Variants in HESX1 observed in about 807,000 individuals in gnomAD.
HESX1 encodes homeobox expressed in ES cells 1.
In HESX1, 11 loss-of-function variants were observed where a neutral mutation model predicts 22.5. The ratio of observed to expected loss-of-function variants is 0.49; its 90% CI spans 0.31 to 0.81. The LOEUF (loss-of-function observed/expected upper bound fraction) is 0.81, where lower values mean the gene tolerates loss of function less well. Ranked by LOEUF, HESX1 falls within the 30% of genes least tolerant of loss-of-function variation. The pLI, the probability that HESX1 is intolerant of heterozygous loss-of-function variation, is 0.05. For synonymous variants in HESX1, 74 were observed against 76.5 expected (o/e 0.97, Z 0.17); for missense variants, 201 against 212.6 (o/e 0.95, Z 0.34).
chr3:57,219,578 A>G (rs2060603182), intron 1 of HESX1, among the ~76,000 whole-genome samples: 1 of 152,104 alleles, frequency 6.6e-6, no homozygotes, highest in Non-Finnish European at 1.5e-5. Flanking sequence ...CGTGTCAGCC[A>G]GGATGGTCTC....
At chr3:57,222,665 A>G (rs1186534577) in intron 1 of HESX1, among the ~76,000 whole-genome samples, 7 of 151,978 alleles carry the variant, frequency 4.6e-5, no homozygotes, top group Non-Finnish European at 1.0e-4. Context: ...CCCACTCACC[A>G]CCCGCCAAAC....
upstream of HESX1, among the ~76,000 whole-genome samples, chr3:57,203,813 C>T (rs913889941): frequency 6.6e-6 from 1 of 152,122 alleles, no homozygotes; most frequent in Admixed American, 6.6e-5. Flanking sequence ...CCTCAGCCTC[C>T]CAAAGTGCTG....
chr3:57,201,877 A>C (rs963498746), upstream of HESX1, among the ~76,000 whole-genome samples: 82 of 69,318 alleles, frequency 1.2e-3, no homozygotes, highest in African/African-American at 3.9e-3. Flanking sequence ...ATCTATCTAT[A>C]TCTATCTATC....
At chr3:57,211,719 G>A in intron 1 of HESX1, among the ~76,000 whole-genome samples, 1 of 151,684 alleles carries the variant, frequency 6.6e-6, no homozygotes, top group Non-Finnish European at 1.5e-5. Flanking sequence ...TATAATCCTA[G>A]CTACTGGGGA....
At chr3:57,225,551 C>T (rs2060636913) in intron 1 of HESX1, among the ~76,000 whole-genome samples, 1 of 152,074 alleles carries the variant, frequency 6.6e-6, no homozygotes, top group Non-Finnish European at 1.5e-5. Flanking sequence ...ACCAGTTGGC[C>T]AGGATGGTCT....
intron 1 of HESX1, among the ~76,000 whole-genome samples, chr3:57,214,800 C>CTTG (rs1326372762): frequency 1.3e-5 from 2 of 152,004 alleles, no homozygotes; most frequent in African/African-American, 4.8e-5. Flanking sequence ...TGTGTGTGTG[C>CTTG]TTGTCTGTTG....
intron 1 of HESX1, among the ~76,000 whole-genome samples, chr3:57,216,458 A>C (rs2060583234): frequency 6.6e-6 from 1 of 152,046 alleles, no homozygotes; most frequent in Non-Finnish European, 1.5e-5. Context: ...AAAAGCCACA[A>C]AAAATTAGCC....
intron 1 of HESX1, among the ~76,000 whole-genome samples, chr3:57,212,051 G>A (rs547841049): frequency 7.2e-5 from 11 of 152,126 alleles, no homozygotes; most frequent in Non-Finnish European, 1.3e-4. Flanking sequence ...CATAGGAAAT[G>A]TTAAGTAAGT....
At chr3:57,225,199 G>A (rs2060635181) in intron 1 of HESX1, among the ~76,000 whole-genome samples, 1 of 152,178 alleles carries the variant, frequency 6.6e-6, no homozygotes, top group East Asian at 1.9e-4. Flanking sequence ...ATTTTTGGAT[G>A]AGCAGGGTAT....
chr3:57,219,690 G>C (rs1315378982), intron 1 of HESX1, among the ~76,000 whole-genome samples: 1 of 152,098 alleles, frequency 6.6e-6, no homozygotes, highest in African/African-American at 2.4e-5. Context: ...TTTTAATGGG[G>C]TTGCTTTTCC....
upstream of HESX1, among the ~76,000 whole-genome samples, chr3:57,202,933 T>C (rs1483524968): frequency 6.6e-6 from 1 of 152,092 alleles, no homozygotes; most frequent in Non-Finnish European, 1.5e-5. Context: ...GGTCTTGCAG[T>C]TGAAAATCAC....
chr3:57,199,045 C>G, intron 1 of HESX1, 93 bp from the exon 2 acceptor site: 1 of 1,185,218 alleles, frequency 8.4e-7, no homozygotes, highest in Non-Finnish European at 1.2e-6. Flanking sequence ...TCTTTCATTT[C>G]CTAGTGGAAT....
intron 1 of HESX1, among the ~76,000 whole-genome samples, chr3:57,223,422 G>A (rs974845745): frequency 9.2e-5 from 14 of 151,902 alleles, no homozygotes; most frequent in Non-Finnish European, 1.8e-4. Flanking sequence ...GAAAGTTGAA[G>A]CTGCAGAATT....
upstream of HESX1, among the ~76,000 whole-genome samples, chr3:57,203,337 G>C (rs1468037112): frequency 6.6e-6 from 1 of 152,170 alleles, no homozygotes; most frequent in African/African-American, 2.4e-5. Flanking sequence ...AGCGTGAGGA[G>C]AGAGGGTAGA....
In HESX1 at chr3:57,199,870, AG is replaced by A. The variant is rs1196149156; in HGVS notation, c.48del (p.Ser17GlnfsTer11). 4 of 1,613,896 alleles carry A rather than the reference AG, an allele frequency of 2.5e-6. No individual in the cohort carries two copies. The African/African-American group carries it at 5.3e-5, about 22-fold the overall frequency. ...QEGAQLGENKPSTCSFSIERI... is the reference protein window; with the variant it reads ...QEGAQLGENKXSTCSFSIERI... ...CTCTCAATTGAAAAGGAGCAAGTTG[AG>A]GGTTTGTTTTCCCCGAGCTGAGCGC... On this transcript the variant is annotated frameshift_variant, in exon 1 of 4. Coordinates refer to ENST00000295934, the MANE Select transcript of HESX1 (RefSeq NM_003865.3). LOFTEE classifies it high-confidence loss of function.
rs183243383 is a variant in HESX1 at position 57,207,195 on chromosome 3, G to A, written c.-110-7167C>T. Among the ~76,000 whole-genome samples, 320 of 152,130 alleles carry A rather than the reference G, an allele frequency of 2.1e-3. 1 individual carries two copies. The Middle Eastern group carries it at 0.024, about 11-fold the overall frequency. ...AACTCCTGACCTCAAGTGATCCAAC[G>A]CACCTCGGCCTCCCAAAGTGCTAGG... On this transcript the variant is annotated intron_variant, in intron 1 of 2. Coordinates refer to the HESX1 transcript ENST00000495160.
At chr3:57,223,728 G>C (rs899591910) in intron 1 of HESX1, among the ~76,000 whole-genome samples, 8 of 151,986 alleles carry the variant, frequency 5.3e-5, no homozygotes, top group Admixed American at 4.6e-4. Flanking sequence ...TATCTCAGCT[G>C]GTATTAAGAA....
At position 57,198,290 on chromosome 3, in the gene HESX1, C is replaced by G; in HGVS notation, c.465G>C (p.Trp155Cys). ...LNLEEDRIQI[W>C]FQNRRAKLKR... Reference sequence around the variant, plus strand: ...TCAGTTTTGCACGCCGATTTTGAAACCAAATCTAAAGTTAAGGAAAAATAA... The same window carrying G: ...TCAGTTTTGCACGCCGATTTTGAAAGCAAATCTAAAGTTAAGGAAAAATAA... The change falls in exon 4 of 4, where the codon TGG becomes TGC. Residue 155 changes from tryptophan to cysteine, a missense_variant. Coordinates refer to ENST00000295934, the MANE Select transcript of HESX1 (RefSeq NM_003865.3). The G allele has an allele frequency of 6.2e-7, 1 of 1,611,972 alleles. No homozygotes were observed. The highest frequency in any genetic ancestry group is 8.5e-7 in the Non-Finnish European group (1 of 1,178,436).
intron 1 of HESX1, among the ~76,000 whole-genome samples, chr3:57,205,313 G>A (rs2107572340): frequency 6.6e-6 from 1 of 152,326 alleles, no homozygotes; most frequent in East Asian, 1.9e-4. Flanking sequence ...GGGAGGCTGA[G>A]GTGGGAGGAT....
Sources: gnomAD v4.1 joint callset for allele counts (sites outside exome capture counted in the v4.1 genomes callset) on GRCh38, gnomAD v4.1.1 for gene constraint, MANE v1.5 for transcripts, NCBI Gene and HGNC (gene_info 2026-07-23, HGNC 2026-07-21) for gene names.